The following BBS9 variants were observed in gnomAD, a reference collection of about 807,000 sequenced individuals.
BBS9 encodes the protein protein PTHB1.
BBS9 carries 89 observed loss-of-function variants against 117.7 expected under a neutral mutation model. That is an observed-to-expected ratio of 0.76 (90% CI 0.64 to 0.90). BBS9 has a LOEUF of 0.90. Among genes scored for constraint, BBS9 ranks in the 40% least tolerant of loss-of-function variants. BBS9 has a pLI of 0.00. For missense variants in BBS9, 982 were observed against 1,042.2 expected, an observed-to-expected ratio of 0.94 and a Z score of 0.80; for synonymous variants, 379 against 370.9, an observed-to-expected ratio of 1.02 and a Z score of -0.25.
At chr7:33,156,008 A>C (rs1466230529) in intron 4 of BBS9, among the ~76,000 whole-genome samples, 1 of 152,178 alleles carries the variant, frequency 6.6e-6, no homozygotes, top group Non-Finnish European at 1.5e-5. Context: ...CTGGGTACTT[A>C]AGACACTTGA....
intron 21 of BBS9, among the ~76,000 whole-genome samples, chr7:33,615,164 T>C (rs1013526876): frequency 1.3e-5 from 2 of 152,018 alleles, no homozygotes; most frequent in Admixed American, 1.3e-4. Context: ...TTTACCACAG[T>C]TCTTTTTACC....
intron 19 of BBS9, 29 bp from the exon 20 acceptor site, chr7:33,505,434 T>C (rs1846015288): frequency 6.2e-7 from 1 of 1,611,982 alleles, no homozygotes; most frequent in African/African-American, 1.3e-5. Flanking sequence ...TGTGAAATTA[T>C]CCCTAACCGA....
intron 20 of BBS9, among the ~76,000 whole-genome samples, chr7:33,509,283 C>T (rs140627731): frequency 1.3e-5 from 2 of 152,244 alleles, no homozygotes; most frequent in East Asian, 1.9e-4. Context: ...TTAAGACATA[C>T]GCATGCAGTA....
chr7:33,355,668 T>C (rs1370442900), intron 15 of BBS9, among the ~76,000 whole-genome samples: 1 of 151,964 alleles, frequency 6.6e-6, no homozygotes, highest in Non-Finnish European at 1.5e-5. Flanking sequence ...ACCATTGCCC[T>C]AGTGTGTGAT....
chr7:33,440,988 A>G (rs7779232), intron 19 of BBS9, among the ~76,000 whole-genome samples: 19,051 of 152,270 alleles, frequency 0.13, 1,352 homozygotes, highest in Non-Finnish European at 0.15. Flanking sequence ...TTGGTTATAC[A>G]GGTAGATATA....
intron 9 of BBS9, among the ~76,000 whole-genome samples, chr7:33,314,786 G>A (rs1810121375): frequency 6.6e-6 from 1 of 152,126 alleles, no homozygotes. Flanking sequence ...TGACACACAT[G>A]CACAAAAATG....
intron 19 of BBS9, among the ~76,000 whole-genome samples, chr7:33,462,645 G>A (rs931460009): frequency 2.6e-5 from 4 of 151,962 alleles, no homozygotes; most frequent in East Asian, 1.9e-4. Flanking sequence ...TTCTACTTGC[G>A]GTTAAATGAA....
intron 21 of BBS9, among the ~76,000 whole-genome samples, chr7:33,542,144 G>T (rs1355123147): frequency 6.6e-6 from 1 of 151,594 alleles, no homozygotes; most frequent in South Asian, 2.1e-4. Flanking sequence ...GAGTGCCGTG[G>T]TGCAGTCTCA....
intron 21 of BBS9, among the ~76,000 whole-genome samples, chr7:33,550,123 C>T (rs1187882935): frequency 6.6e-6 from 1 of 152,028 alleles, no homozygotes; most frequent in Admixed American, 6.5e-5. Context: ...GTACGGTTTT[C>T]TGAGTCACCT....
intron 5 of BBS9, among the ~76,000 whole-genome samples, chr7:33,189,400 G>A (rs1307010968): frequency 6.6e-6 from 1 of 152,000 alleles, no homozygotes; most frequent in African/African-American, 2.4e-5. Flanking sequence ...TGTAATTTGT[G>A]CCTTATAGCC....
intron 9 of BBS9, among the ~76,000 whole-genome samples, chr7:33,275,740 A>G (rs1368860500): frequency 1.3e-5 from 2 of 152,236 alleles, no homozygotes; most frequent in East Asian, 3.8e-4. Context: ...CACATACATT[A>G]TATACAAGGG....
intron 21 of BBS9, among the ~76,000 whole-genome samples, chr7:33,537,138 G>T (rs1463678357): frequency 6.6e-6 from 1 of 152,144 alleles, no homozygotes; most frequent in Non-Finnish European, 1.5e-5. Context: ...AAGTGAATAA[G>T]TGTTCAGTAT....
intron 20 of BBS9, among the ~76,000 whole-genome samples, chr7:33,508,853 GA>G (rs956971080): frequency 1.3e-5 from 2 of 152,204 alleles, no homozygotes; most frequent in Admixed American, 6.5e-5. Flanking sequence ...TTGGTACCCA[GA>G]AGAGATTGTG....
At chr7:33,440,490 A>C (rs1274587082) in intron 19 of BBS9, among the ~76,000 whole-genome samples, 2 of 152,182 alleles carry the variant, frequency 1.3e-5, no homozygotes, top group Non-Finnish European at 1.5e-5. Flanking sequence ...TTAAATATGC[A>C]ATGGTGCTTG....
At chr7:33,353,872 C>G (rs1220368693) in intron 15 of BBS9, among the ~76,000 whole-genome samples, 1 of 151,790 alleles carries the variant, frequency 6.6e-6, no homozygotes, top group Non-Finnish European at 1.5e-5. Context: ...GTATACTTGT[C>G]AAATTAGAAT....
chr7:33,605,290 C>T lies in BBS9; in HGVS notation c.*64C>T. 6.6e-7 allele frequency: 1 copy of T among 1,517,798 alleles called. No homozygotes were observed. The highest frequency in any genetic ancestry group is 9.2e-7 in the Non-Finnish European group (1 of 1,092,420). The allele number at this position is 1,517,798 out of a possible 1,614,324, so 94.0% of individuals were successfully genotyped here. On this transcript the variant is annotated 3_prime_UTR_variant, in exon 23 of 23. Transcript: ENST00000242067. ...CTCAAGGCCGAACCTGTGTGAACCTCATGCCAAGCACAGATATAGGGCTGG... is the reference window on the plus strand; with the variant it reads ...CTCAAGGCCGAACCTGTGTGAACCTTATGCCAAGCACAGATATAGGGCTGG...
intron 21 of BBS9, among the ~76,000 whole-genome samples, chr7:33,616,853 C>G (rs1206085391): frequency 1.3e-5 from 2 of 151,824 alleles, no homozygotes; most frequent in African/African-American, 2.4e-5. Flanking sequence ...CATCCCTCAC[C>G]CCTCTCCCAA....
intron 16 of BBS9, among the ~76,000 whole-genome samples, chr7:33,365,070 G>T (rs1273972827): frequency 6.6e-6 from 1 of 150,984 alleles, no homozygotes; most frequent in African/African-American, 2.4e-5. Flanking sequence ...ATTCTTCTGG[G>T]TTTTGTTTCT....
intron 21 of BBS9, among the ~76,000 whole-genome samples, chr7:33,545,477 G>A: frequency 6.6e-6 from 1 of 152,110 alleles, no homozygotes; most frequent in East Asian, 1.9e-4. Context: ...TTCAGTTTCT[G>A]CAGTGGGGGT....
Sources: allele counts gnomAD v4.1 joint callset (sites outside exome capture counted in the v4.1 genomes callset), GRCh38; gene constraint gnomAD v4.1.1; transcripts MANE v1.5; gene names NCBI Gene and HGNC (gene_info 2026-07-23, HGNC 2026-07-21).